LPO: variants seen among roughly 807,000 people sequenced by gnomAD.
The protein encoded by LPO is salivary peroxidase.
Under a neutral mutation model 68.4 loss-of-function variants are expected in LPO, and 70 were observed. The ratio of observed to expected loss-of-function variants is 1.02; its 90% CI spans 0.84 to 1.25. LPO has a LOEUF of 1.25. Among genes scored for constraint, LPO ranks in the 50% most tolerant of loss-of-function variants. LPO has a pLI of 0.00. For missense variants in LPO, 873 were observed against 908.4 expected (o/e 0.96, Z 0.50); for synonymous variants, 360 against 357.6 (o/e 1.01, Z -0.08).
intron 1 of LPO, chr17:58,242,740 A>T: frequency 2.2e-6 from 1 of 460,050 alleles, no homozygotes; most frequent in South Asian, 2.8e-5. Flanking sequence ...TCAGGGCCTT[A>T]GATCCTGAAG....
Position 58,266,485 on chromosome 17 carries a change from G to T in LPO, c.1693+159G>T, listed in dbSNP as rs369299488. Among the ~76,000 whole-genome samples, 256 of 151,924 alleles carry T rather than the reference G, an allele frequency of 1.7e-3. 2 individuals carry two copies. The highest frequency in any genetic ancestry group is 5.9e-3 in the African/African-American group (243 of 41,462). On this transcript the variant is annotated intron_variant, in intron 11 of 12. Coordinates refer to ENST00000262290, the MANE Select transcript of LPO (RefSeq NM_006151.3). ...TGTTTGAGGTTTTTTTTTTGAGACA[G>T]GGTCTTGCTCTGTTGCCCAGGCTAG...
chr17:58,249,520 C>T (rs748110269), intron 5 of LPO, 46 bp from the exon 6 acceptor site: 1 of 1,587,442 alleles, frequency 6.3e-7, no homozygotes, highest in Non-Finnish European at 8.5e-7. Context: ...CTTTGGAGCC[C>T]CGGAGCCGGC....
At chr17:58,249,797 C>A in intron 6 of LPO, 102 bp downstream of exon 6, 2 of 1,405,704 alleles carry the variant, frequency 1.4e-6, no homozygotes, top group South Asian at 1.5e-5. Flanking sequence ...GTGGGGGCAG[C>A]AGGGGTGCGC....
intron 10 of LPO, 26 bp downstream of exon 10, chr17:58,265,000 C>T: frequency 1.2e-6 from 2 of 1,610,968 alleles, no homozygotes; most frequent in Non-Finnish European, 8.5e-7. Context: ...GAAGTGCTGT[C>T]ACCTGGGTCT....
intron 7 of LPO, chr17:58,251,365 A>G (rs1044791801): frequency 6.5e-6 from 1 of 154,424 alleles, no homozygotes; most frequent in African/African-American, 2.4e-5. Flanking sequence ...ATTTTTACCA[A>G]GATCAACAGA....
At chr17:58,255,141 T>G (rs1194931575) in intron 9 of LPO, among the ~76,000 whole-genome samples, 170 bp downstream of exon 9, 1 of 152,172 alleles carries the variant, frequency 6.6e-6, no homozygotes, top group African/African-American at 2.4e-5. Context: ...ATCCCCTTCC[T>G]TTCATTTCTT....
At chr17:58,241,521 T>C (rs1005703624) in intron 1 of LPO, among the ~76,000 whole-genome samples, 2 of 152,152 alleles carry the variant, frequency 1.3e-5, no homozygotes, top group Non-Finnish European at 2.9e-5. Context: ...AACCCTGCAA[T>C]GGGTCCCCTG....
chr17:58,254,980 T>C lies in LPO; in HGVS notation c.1266+9T>C, dbSNP rs763866467. 4 of 1,612,552 alleles carry C rather than the reference T, an allele frequency of 2.5e-6. No homozygotes were observed. In the African/African-American group the frequency reaches 5.3e-5, roughly 22 times the overall value. ...TGGGAGCCTTCGTGCAGGTAGGGAG[T>C]CCCAGGAGCACTGTCACCTGGTCCC... On this transcript the variant is annotated intron_variant, in intron 9 of 12. Coordinates refer to ENST00000262290, the MANE Select transcript of LPO (RefSeq NM_006151.3).
rs1969977913 is a variant in LPO, at chr17:58,252,431, C to T, written c.1030C>T (p.Leu344=). 2 of 1,614,050 alleles carry T rather than the reference C, an allele frequency of 1.2e-6. No homozygotes were observed. The highest frequency in any genetic ancestry group is 1.7e-6 in the Non-Finnish European group (2 of 1,180,048). ...QEVSDHGLPY[L]PYDSKKPSPC... is the part of the protein sequence containing the mutation. ...GGTCTCAGACCATGGACTACCCTAC[C>T]TGCCCTATGACAGCAAGAAGCCAAG... Residue 344 remains leucine, a synonymous_variant, in exon 8 of 13, where the codon CTG becomes TTG. Coordinates refer to ENST00000262290, the MANE Select transcript of LPO (RefSeq NM_006151.3).
chr17:58,263,487 C>T (rs1315991498), intron 9 of LPO, among the ~76,000 whole-genome samples: 1 of 152,130 alleles, frequency 6.6e-6, no homozygotes. Flanking sequence ...GCCTGTAATT[C>T]CAGCAATTTG....
Position 58,244,017 on chromosome 17 carries a change from A to G in LPO, c.100A>G (p.Ile34Val), listed in dbSNP as rs756204121. Residue 34 changes from isoleucine (I) to valine (V), a missense_variant, in exon 3 of 13, where the codon ATC becomes GTC. Coordinates refer to ENST00000262290, the MANE Select transcript of LPO (RefSeq NM_006151.3). ...TRAQTTRTSA[I>V]SDTVSQAKVQ... ...AGCGCAGACTACCAGAACCTCTGCC[A>G]TCTCCGATACTGTGAGTCAGGCCAA... 1 of 1,613,604 alleles carries G rather than the reference A, an allele frequency of 6.2e-7. No homozygotes were observed. Among genetic ancestry groups the G allele is most frequent in the South Asian group, 1.1e-5 (1 of 91,054 alleles).
rs1447478250 is a variant in LPO at position 58,250,599 on chromosome 17, G to C, written c.758G>C (p.Gly253Ala). ...CAGTGTGATGAGTACTGTATCCAGG[G>C]AGACAACTGCTTCCCCATCATGGTA... Reference protein sequence around the residue: ...KAQCDEYCIQGDNCFPIMFPP... With the variant: ...KAQCDEYCIQADNCFPIMFPP... Residue 253 changes from glycine (G) to alanine (A), a missense_variant, in exon 7 of 13, where the codon GGA (glycine) becomes GCA (alanine). Gly to Ala is a moderately conservative substitution (Grantham distance 60, BLOSUM62 0). Coordinates refer to ENST00000262290, the MANE Select transcript of LPO (RefSeq NM_006151.3). 6.2e-7 allele frequency: 1 copy of C among 1,614,076 alleles called. No homozygotes were observed. Among genetic ancestry groups the C allele is most frequent in the South Asian group, 1.1e-5 (1 of 91,080 alleles).
chr17:58,249,239 C>A, intron 5 of LPO, 62 bp downstream of exon 5: 1 of 1,457,104 alleles, frequency 6.9e-7, no homozygotes, highest in Non-Finnish European at 9.5e-7. Context: ...CCTGCCAAGG[C>A]CTTTGTCCCT....
At chr17:58,264,597 C>G in intron 9 of LPO, 125 bp from the exon 10 acceptor site, 1 of 890,746 alleles carries the variant, frequency 1.1e-6, no homozygotes, top group South Asian at 1.5e-5. Flanking sequence ...GGCACATATG[C>G]TATCCATTTG....
intron 1 of LPO, among the ~76,000 whole-genome samples, chr17:58,241,025 A>C (rs1053398939): frequency 2.6e-5 from 4 of 152,128 alleles, no homozygotes; most frequent in African/African-American, 9.7e-5. Flanking sequence ...CAACATGTGA[A>C]TATACCTAAC....
Position 58,239,655 on chromosome 17 carries a change from C to T in LPO, c.-3+916C>T, listed in dbSNP as rs1209637349. Among the ~76,000 whole-genome samples, 10 of 152,068 alleles carry T rather than the reference C, an allele frequency of 6.6e-5. No individual in the cohort carries two copies. The East Asian group carries it at 1.9e-3, about 29-fold the overall frequency. On this transcript the variant is annotated intron_variant, in intron 1 of 12. Transcript: ENST00000262290. ...ACTTCATCCCTTCTCAGGCCTTCCC[C>T]CTATCTCCTTGGTGACTGCTCAGCG... is the stretch of plus-strand genomic sequence containing the variant.
At chr17:58,256,214 T>C (rs1471535626) in intron 9 of LPO, among the ~76,000 whole-genome samples, 1 of 152,222 alleles carries the variant, frequency 6.6e-6, no homozygotes, top group Non-Finnish European at 1.5e-5. Context: ...TTCCATGGTA[T>C]GAATGAACTA....
At position 58,249,068 on chromosome 17, in the gene LPO, C is replaced by T. The variant is rs1969905303; in HGVS notation, c.334C>T (p.Leu112=). The change falls in exon 5 of 13, where the codon CTG becomes TTG. Residue 112 remains leucine, a synonymous_variant. Coordinates refer to ENST00000262290, the MANE Select transcript of LPO (RefSeq NM_006151.3). ...GGTCCCTTCTGTTTCAGATCCCAGC[C>T]TGGACTTGACTTCACTGTCTCTGGA... ...ASLTNVTDPS[L]DLTSLSLEVG... 6.2e-7 allele frequency: 1 copy of T among 1,613,882 alleles called. No homozygotes were observed. Among genetic ancestry groups the T allele is most frequent in the Admixed American group, 1.7e-5 (1 of 60,012 alleles).
At chr17:58,254,092 A>G (rs1970014477) in intron 8 of LPO, among the ~76,000 whole-genome samples, 1 of 152,142 alleles carries the variant, frequency 6.6e-6, no homozygotes, top group Middle Eastern at 3.4e-3. Context: ...AGCCTGGGCA[A>G]CAGAGCAAGA....
Sources: gnomAD v4.1 joint callset for allele counts (sites outside exome capture counted in the v4.1 genomes callset) on GRCh38, gnomAD v4.1.1 for gene constraint, MANE v1.5 for transcripts, NCBI Gene and HGNC (gene_info 2026-07-23, HGNC 2026-07-21) for gene names.